The following LRRC66 variants were observed in gnomAD, a reference collection of about 807,000 sequenced individuals.
The protein encoded by LRRC66 is leucine-rich repeat-containing protein 66.
LRRC66 carries 29 observed loss-of-function variants against 24.6 expected under a neutral mutation model. The ratio of observed to expected loss-of-function variants is 1.18; its 90% CI spans 0.88 to 1.61. The LOEUF is 1.61. LRRC66 is among the 40% of genes most tolerant of loss of function. LRRC66 has a pLI of 0.00. For synonymous variants in LRRC66, 411 were observed against 397.6 expected (o/e 1.03, Z -0.40); for missense variants, 1,124 against 1,058.0 (o/e 1.06, Z -0.87).
At chr4:52,007,263 C>A (rs1211872622) in intron 2 of LRRC66, among the ~76,000 whole-genome samples, 1 of 152,192 alleles carries the variant, frequency 6.6e-6, no homozygotes, top group Non-Finnish European at 1.5e-5. Context: ...ACTGTAACCT[C>A]GAACTCCTAG....
intron 3 of LRRC66, among the ~76,000 whole-genome samples, chr4:51,998,559 T>C (rs1374427212): frequency 6.6e-6 from 1 of 152,216 alleles, no homozygotes; most frequent in African/African-American, 2.4e-5. Flanking sequence ...GAGAGATCTT[T>C]TGAATCAAAT....
At chr4:51,997,683 C>G in intron 4 of LRRC66, 65 bp downstream of exon 4, 1 of 1,436,302 alleles carries the variant, frequency 7.0e-7, no homozygotes, top group Non-Finnish European at 9.7e-7. Flanking sequence ...TTCAAAAAGA[C>G]TAAAATGTCT....
intron 1 of LRRC66, chr4:52,018,135 G>C: frequency 1.0e-6 from 1 of 985,358 alleles, no homozygotes; most frequent in South Asian, 4.7e-5. Flanking sequence ...TACTTTTCAT[G>C]ACTAGAAGAA....
intron 3 of LRRC66, 134 bp from the exon 4 acceptor site, chr4:51,998,071 G>C: frequency 6.8e-6 from 5 of 737,284 alleles, no homozygotes; most frequent in Non-Finnish European, 8.9e-6. Flanking sequence ...ACAAGTCAGG[G>C]AATTAGTGGG....
chr4:51,994,872 C>A lies in LRRC66; in HGVS notation c.2150G>T (p.Ser717Ile), dbSNP rs749324528. The change falls in exon 5 of 5, where the codon AGT becomes ATT. Residue 717 changes from serine to isoleucine, a missense_variant. Physicochemically the swap from Ser to Ile is moderately radical, Grantham distance 142. Coordinates refer to ENST00000682860, the MANE Select transcript of LRRC66 (RefSeq NM_001024611.3). ...EGSLFTLSSI[S>I]SESARSKTEE... Reference sequence around the variant, plus strand: ...AGTCTTGCTCCTTGCACTCTCTGAACTTATGGAGCTCAGAGTGAACAGAGA... The same window carrying A: ...AGTCTTGCTCCTTGCACTCTCTGAAATTATGGAGCTCAGAGTGAACAGAGA... The A allele has an allele frequency of 1.2e-6, 2 of 1,614,192 alleles. No homozygotes were observed. The highest frequency in any genetic ancestry group is 1.7e-6 in the Non-Finnish European group (2 of 1,180,040).
At chr4:52,007,893 G>GT (rs1277619877) in intron 2 of LRRC66, among the ~76,000 whole-genome samples, 1 of 152,190 alleles carries the variant, frequency 6.6e-6, no homozygotes, top group Non-Finnish European at 1.5e-5. Context: ...TGGGACCCAT[G>GT]TGTAACTTTC....
intron 2 of LRRC66, among the ~76,000 whole-genome samples, chr4:52,012,733 G>T (rs1412891048): frequency 3.3e-5 from 5 of 152,044 alleles, no homozygotes; most frequent in South Asian, 2.1e-4. Context: ...CTGTGGAAAG[G>T]GAATTATTTA....
At chr4:52,018,339 G>T in intron 1 of LRRC66, 1 of 984,680 alleles carries the variant, frequency 1.0e-6, no homozygotes, top group Non-Finnish European at 1.2e-6. Flanking sequence ...AAAGAAGTGT[G>T]TACAAATTAC....
intron 2 of LRRC66, among the ~76,000 whole-genome samples, chr4:52,016,424 T>C (rs1348740883): frequency 6.6e-6 from 1 of 152,186 alleles, no homozygotes; most frequent in Non-Finnish European, 1.5e-5. Flanking sequence ...TGTCTAGCAC[T>C]CTGGAATATA....
At chr4:51,996,840 T>A (rs933782487) in intron 4 of LRRC66, among the ~76,000 whole-genome samples, 2 of 152,174 alleles carry the variant, frequency 1.3e-5, no homozygotes, top group African/African-American at 4.8e-5. Context: ...CACATGTACA[T>A]GGCTTCTCCT....
At chr4:52,013,975 C>T (rs975316311) in intron 2 of LRRC66, among the ~76,000 whole-genome samples, 3 of 152,166 alleles carry the variant, frequency 2.0e-5, no homozygotes, top group South Asian at 4.1e-4. Flanking sequence ...AACTTGAGGC[C>T]GGGCACGGTG....
chr4:51,997,720 C>G, intron 4 of LRRC66, 28 bp downstream of exon 4: 1 of 1,583,232 alleles, frequency 6.3e-7, no homozygotes, highest in East Asian at 2.2e-5. Flanking sequence ...ATAAATGGAG[C>G]CTTTTCAGAG....
rs1244112872 is a variant in LRRC66, at chr4:52,003,377, T to C, written c.512A>G (p.Lys171Arg). 1 of 1,612,924 alleles carries C rather than the reference T, an allele frequency of 6.2e-7. No homozygotes were observed. The highest frequency in any genetic ancestry group is 2.2e-5 in the East Asian group (1 of 44,838). Residue 171 changes from lysine (K) to arginine (R), a missense_variant, in exon 3 of 5, where the codon AAG becomes AGG. By Grantham distance (26) the Lys-to-Arg change is conservative (BLOSUM62 2). Coordinates refer to ENST00000682860, the MANE Select transcript of LRRC66 (RefSeq NM_001024611.3). ...SDTPKGLWKL[K>R]SLQSLDLSFN... ...TGACAGATCCAAACTCTGCAATGACTTCAGTTTCCACAGTCCTGTTAAAAT... is the reference window on the plus strand; with the variant it reads ...TGACAGATCCAAACTCTGCAATGACCTCAGTTTCCACAGTCCTGTTAAAAT...
chr4:52,004,750 G>A (rs917499183), intron 2 of LRRC66, among the ~76,000 whole-genome samples: 18 of 152,188 alleles, frequency 1.2e-4, no homozygotes, highest in African/African-American at 4.3e-4. Context: ...ACAGGGAGAT[G>A]ACTTAATTGA....
Position 51,995,759 on chromosome 4 carries a change from T to A in LRRC66, c.1263A>T (p.Ser421=). 1 of 1,614,130 alleles carries A rather than the reference T, an allele frequency of 6.2e-7. No individual in the cohort carries two copies. The highest frequency in any genetic ancestry group is 8.5e-7 in the Non-Finnish European group (1 of 1,180,026). ...CCATGTCATCGTAGAAGCCCTCGTT[T>A]GAATACGCGTTGTCCAGGCCAGGGC... ...SKSPGLDNAY[S]NEGFYDDMEA... The change falls in exon 5 of 5, where the codon TCA becomes TCT. Residue 421 remains serine, a synonymous_variant. Transcript: ENST00000682860.
rs373910111 is a variant in LRRC66 at position 52,011,692 on chromosome 4, G to A, written c.496+5426C>T. 2.2e-4 allele frequency among the ~76,000 whole-genome samples: 34 copies of A among 152,236 alleles called. 2 individuals carry two copies. The highest frequency in any genetic ancestry group is 2.1e-3 in the East Asian group (11 of 5,174). Reference sequence around the variant, plus strand: ...CTTTTGAACACCTGCTGTGTGCCAGGCACTATGAGAGATGTTTTACATGTA... The same window carrying A: ...CTTTTGAACACCTGCTGTGTGCCAGACACTATGAGAGATGTTTTACATGTA... On this transcript the variant is annotated intron_variant, in intron 2 of 4. Coordinates refer to ENST00000682860, the MANE Select transcript of LRRC66 (RefSeq NM_001024611.3).
intron 2 of LRRC66, among the ~76,000 whole-genome samples, chr4:52,014,946 T>A (rs894276537): frequency 6.6e-6 from 1 of 152,220 alleles, no homozygotes; most frequent in Non-Finnish European, 1.5e-5. Context: ...TTTTTCTTGA[T>A]CTTTTGGGAG....
intron 4 of LRRC66, among the ~76,000 whole-genome samples, chr4:51,997,446 T>C (rs1736345769): frequency 2.0e-5 from 3 of 152,230 alleles, no homozygotes; most frequent in Admixed American, 2.0e-4. Context: ...TTCTTGAGAA[T>C]AAAGTTTGGT....
intron 2 of LRRC66, among the ~76,000 whole-genome samples, chr4:52,007,372 GAT>G (rs1308773744): frequency 6.6e-6 from 1 of 151,834 alleles, no homozygotes; most frequent in Non-Finnish European, 1.5e-5. Context: ...TTTTTGTAGA[GAT>G]AGAATCTCAC....
Sources: allele counts gnomAD v4.1 joint callset (sites outside exome capture counted in the v4.1 genomes callset), GRCh38; gene constraint gnomAD v4.1.1; transcripts MANE v1.5; gene names NCBI Gene and HGNC (gene_info 2026-07-23, HGNC 2026-07-21).